Variants in ATR observed in about 807,000 individuals in gnomAD.
ATR encodes serine/threonine-protein kinase ATR.
Under a neutral mutation model 305.3 loss-of-function variants are expected in ATR, and 142 were observed. The observed-to-expected ratio is 0.47, with a 90% confidence interval of 0.41 to 0.53. The LOEUF (loss-of-function observed/expected upper bound fraction) is 0.53, where lower values mean the gene tolerates loss of function less well. ATR is among the 20% of genes least tolerant of loss of function. The pLI, the probability that ATR is intolerant of heterozygous loss-of-function variation, is 0.00. For synonymous variants in ATR, 1,050 were observed against 1,068.1 expected (o/e 0.98, Z 0.33); for missense variants, 2,135 against 3,133.1 (o/e 0.68, Z 7.60).
chr3:142,488,398 T>C (rs1453268388), intron 35 of ATR, among the ~76,000 whole-genome samples: 1 of 152,088 alleles, frequency 6.6e-6, no homozygotes, highest in African/African-American at 2.4e-5. Context: ...CCTCTTTTGA[T>C]TGGGCCAACT....
intron 40 of ATR, 35 bp downstream of exon 40, chr3:142,466,289 T>C: frequency 6.3e-7 from 1 of 1,580,446 alleles, no homozygotes; most frequent in South Asian, 1.1e-5. Flanking sequence ...AACAACTAAA[T>C]TTTAAAATCA....
chr3:142,483,621 G>A (rs554855553), intron 36 of ATR, among the ~76,000 whole-genome samples: 14 of 152,062 alleles, frequency 9.2e-5, no homozygotes, highest in African/African-American at 2.7e-4. Flanking sequence ...GGTGGATCAC[G>A]AGGTCAGGAG....
At chr3:142,461,068 A>G (rs150605724) in intron 42 of ATR, among the ~76,000 whole-genome samples, 1 of 152,278 alleles carries the variant, frequency 6.6e-6, no homozygotes, top group East Asian at 1.9e-4. Context: ...CCTTAATGTC[A>G]TCAAATCTGG....
At chr3:142,555,824 A>G (rs942326314) in intron 10 of ATR, 53 bp downstream of exon 10, 10 of 1,550,992 alleles carry the variant, frequency 6.4e-6, no homozygotes, top group Non-Finnish European at 8.7e-6. Context: ...TACTGATTTG[A>G]AAAGCAGAGC....
chr3:142,466,861 G>C (rs372689732), intron 39 of ATR, among the ~76,000 whole-genome samples: 2 of 152,068 alleles, frequency 1.3e-5, no homozygotes, highest in African/African-American at 2.4e-5. Context: ...ACCCTCAGTG[G>C]AAATATCAAA....
intron 35 of ATR, among the ~76,000 whole-genome samples, chr3:142,485,845 C>T (rs186172776): frequency 6.2e-4 from 95 of 152,332 alleles, no homozygotes; most frequent in Non-Finnish European, 1.2e-3. Context: ...CTCTACCTCA[C>T]ATTGATTCCT....
At chr3:142,487,392 C>T (rs2108315982) in intron 35 of ATR, among the ~76,000 whole-genome samples, 1 of 152,310 alleles carries the variant, frequency 6.6e-6, no homozygotes, top group African/African-American at 2.4e-5. Context: ...CTGCCTCAGC[C>T]TCCCAAAGTG....
chr3:142,523,995 C>T lies in ATR; in HGVS notation c.4150G>A (p.Val1384Met), dbSNP rs2108399192. Residue 1384 changes from valine to methionine, a missense_variant and splice_region_variant, in exon 22 of 47, where the codon GTG (valine) becomes ATG (methionine). Val to Met is a conservative substitution (Grantham distance 21). Transcript: ENST00000350721. ...CATTCCAAATTTCCACTACTTACCA[C>T]AAATGTAAAATCTTTTCCTTGAGTT... ...TETQGKDFTF[V>M]TGVEDSSFAY... 1 of 1,613,754 alleles carries T rather than the reference C, an allele frequency of 6.2e-7. No individual in the cohort carries two copies. Among genetic ancestry groups the T allele is most frequent in the East Asian group, 2.2e-5 (1 of 44,854 alleles).
chr3:142,530,960 C>T (rs192726810), intron 21 of ATR, among the ~76,000 whole-genome samples: 1 of 152,224 alleles, frequency 6.6e-6, no homozygotes, highest in East Asian at 1.9e-4. Context: ...TTCTTAGTTC[C>T]TATTCTTCAT....
chr3:142,576,987 C>T (rs1390095122), intron 1 of ATR, among the ~76,000 whole-genome samples: 1 of 152,064 alleles, frequency 6.6e-6, no homozygotes, highest in African/African-American at 2.4e-5. Context: ...GAATCTGAAA[C>T]CTAGCTCTGT....
At chr3:142,519,929 G>T in intron 23 of ATR, 145 bp from the exon 24 acceptor site, 1 of 684,022 alleles carries the variant, frequency 1.5e-6, no homozygotes, top group Non-Finnish European at 2.6e-6. Context: ...CATGGATGCT[G>T]TTTTTTTTGT....
intron 45 of ATR, among the ~76,000 whole-genome samples, chr3:142,455,862 A>G (rs1032874917): frequency 6.6e-6 from 1 of 152,248 alleles, no homozygotes; most frequent in East Asian, 1.9e-4. Flanking sequence ...AGAAACACCA[A>G]AAATAACCAG....
chr3:142,469,968 T>C, intron 37 of ATR, 118 bp downstream of exon 37: 1 of 770,844 alleles, frequency 1.3e-6, no homozygotes, highest in Non-Finnish European at 2.1e-6. Context: ...ACTTACATAA[T>C]ATCTTAATTA....
intron 36 of ATR, among the ~76,000 whole-genome samples, chr3:142,479,378 T>C (rs1000843711): frequency 6.6e-6 from 1 of 152,210 alleles, no homozygotes; most frequent in Non-Finnish European, 1.5e-5. Context: ...AAATTCTGGG[T>C]TGAAAATTCT....
chr3:142,561,936 T>C (rs1223149654), intron 4 of ATR, among the ~76,000 whole-genome samples: 2 of 152,226 alleles, frequency 1.3e-5, no homozygotes, highest in Non-Finnish European at 2.9e-5. Context: ...GCAATTAAGT[T>C]GGTAACTGCC....
chr3:142,512,209 T>C, intron 27 of ATR, 51 bp downstream of exon 27: 2 of 1,426,468 alleles, frequency 1.4e-6, no homozygotes, highest in Non-Finnish European at 1.9e-6. Context: ...AAGAGCTAAT[T>C]GGTGAATAGC....
chr3:142,553,158 A>G, intron 13 of ATR, 69 bp downstream of exon 13: 2 of 1,532,548 alleles, frequency 1.3e-6, no homozygotes, highest in Non-Finnish European at 1.8e-6. Context: ...ATGTATAAAT[A>G]TTCTTCTTTT....
chr3:142,528,879 A>ATATATATAT (rs1215767510), intron 21 of ATR, among the ~76,000 whole-genome samples: 19 of 30,486 alleles, frequency 6.2e-4, no homozygotes, highest in East Asian at 9.0e-4. Context: ...ATATATATAT[A>ATATATATAT]TTTTTTTTTT....
At chr3:142,506,504 A>G (rs2032244185) in intron 28 of ATR, among the ~76,000 whole-genome samples, 1 of 152,148 alleles carries the variant, frequency 6.6e-6, no homozygotes, top group African/African-American at 2.4e-5. Flanking sequence ...CCCAGGCAAC[A>G]TGGAAAACCC....
Sources: gnomAD v4.1 joint callset for allele counts (sites outside exome capture counted in the v4.1 genomes callset) on GRCh38, gnomAD v4.1.1 for gene constraint, MANE v1.5 for transcripts, NCBI Gene and HGNC (gene_info 2026-07-23, HGNC 2026-07-21) for gene names.